CCDC181: variants seen among roughly 807,000 people sequenced by gnomAD.
CCDC181 encodes coiled-coil domain-containing protein 181.
A neutral mutation model predicts 58.7 loss-of-function variants in CCDC181; 35 were observed. The observed-to-expected ratio is 0.60, with a 90% CI of 0.46 to 0.79. The LOEUF (loss-of-function observed/expected upper bound fraction) is 0.79. Ranked by LOEUF, CCDC181 falls within the 30% of genes least tolerant of loss-of-function variation. The pLI is 0.00. For synonymous variants in CCDC181, 183 were observed against 197.5 expected (o/e 0.93, Z 0.62); for missense variants, 517 against 583.9 (o/e 0.89, Z 1.18).
chr1:169,411,552 T>A (rs1557864655), intron 4 of CCDC181, among the ~76,000 whole-genome samples: 1 of 152,144 alleles, frequency 6.6e-6, no homozygotes, highest in Non-Finnish European at 1.5e-5. Context: ...GCCAGCATCA[T>A]CCTGATACCA....
intron 2 of CCDC181, among the ~76,000 whole-genome samples, chr1:169,432,633 A>C (rs1047222795): frequency 6.6e-6 from 1 of 152,162 alleles, no homozygotes; most frequent in Non-Finnish European, 1.5e-5. Context: ...TTTCAGCAGC[A>C]TATTACAAAG....
intron 4 of CCDC181, among the ~76,000 whole-genome samples, chr1:169,417,440 T>A (rs1158309317): frequency 2.0e-5 from 3 of 152,174 alleles, no homozygotes; most frequent in Admixed American, 6.5e-5. Flanking sequence ...GATGAAGAGC[T>A]ACACAAGGCA....
intron 2 of CCDC181, among the ~76,000 whole-genome samples, chr1:169,423,136 T>A (rs1656561719): frequency 6.6e-6 from 1 of 150,990 alleles, no homozygotes; most frequent in Admixed American, 6.6e-5. Context: ...AGCTACTACA[T>A]GCTTCTCTCT....
At chr1:169,426,945 T>C (rs181973083) in intron 1 of CCDC181, among the ~76,000 whole-genome samples, 62 of 152,324 alleles carry the variant, frequency 4.1e-4, no homozygotes, top group Non-Finnish European at 7.4e-5. Flanking sequence ...TGCCTCCTCA[T>C]GGAAGCTACA....
intron 2 of CCDC181, among the ~76,000 whole-genome samples, chr1:169,435,152 A>C (rs542389097): frequency 6.6e-6 from 1 of 152,238 alleles, no homozygotes; most frequent in South Asian, 2.1e-4. Flanking sequence ...AAAGGAATGA[A>C]GTACTGATAG....
chr1:169,436,735 G>A (rs1657064464), intron 2 of CCDC181, among the ~76,000 whole-genome samples: 1 of 152,120 alleles, frequency 6.6e-6, no homozygotes, highest in Non-Finnish European at 1.5e-5. Context: ...TCTTTAGTAA[G>A]GCAGAGCACT....
intron 2 of CCDC181, among the ~76,000 whole-genome samples, chr1:169,443,754 A>AT (rs1657295338): frequency 6.6e-6 from 1 of 152,188 alleles, no homozygotes; most frequent in African/African-American, 2.4e-5. Flanking sequence ...TATAAATAGT[A>AT]TTGATGATTA....
chr1:169,396,709 AGT>A (rs1655054380), intron 5 of CCDC181, among the ~76,000 whole-genome samples: 1 of 152,218 alleles, frequency 6.6e-6, no homozygotes, highest in Non-Finnish European at 1.5e-5. Context: ...TAGGCAATGC[AGT>A]GTCTTACCCA....
intron 4 of CCDC181, among the ~76,000 whole-genome samples, chr1:169,404,933 C>T (rs1655568011): frequency 6.6e-6 from 1 of 152,192 alleles, no homozygotes; most frequent in South Asian, 2.1e-4. Context: ...CCAAAATCTC[C>T]TTAAGCTGAT....
At chr1:169,405,482 G>C (rs1163857022) in intron 4 of CCDC181, among the ~76,000 whole-genome samples, 2 of 152,110 alleles carry the variant, frequency 1.3e-5, no homozygotes, top group Non-Finnish European at 2.9e-5. Context: ...GAACAGAACA[G>C]AACCCTCAGA....
At chr1:169,439,683 AC>A (rs1161302547) in intron 2 of CCDC181, among the ~76,000 whole-genome samples, 2 of 151,860 alleles carry the variant, frequency 1.3e-5, no homozygotes, top group Non-Finnish European at 2.9e-5. Context: ...AGCCTTTTAC[AC>A]CCTGCCCTCT....
chr1:169,460,197 C>T (rs1657805613), intron 1 of CCDC181: 1 of 152,212 alleles, frequency 6.6e-6, no homozygotes, highest in African/African-American at 2.4e-5. Flanking sequence ...CGGTCAGTAC[C>T]GTTTACTGAA....
intron 4 of CCDC181, among the ~76,000 whole-genome samples, chr1:169,403,220 T>A (rs1655454671): frequency 6.6e-6 from 1 of 152,098 alleles, no homozygotes; most frequent in Non-Finnish European, 1.5e-5. Flanking sequence ...ATGGGAGACT[T>A]TAACACCCCA....
At chr1:169,428,726 G>A (rs1445967603), upstream of CCDC181, among the ~76,000 whole-genome samples, 1 of 152,138 alleles carries the variant, frequency 6.6e-6, no homozygotes, top group Admixed American at 6.5e-5. Flanking sequence ...CACGATCTGG[G>A]CTCACTTCAA....
intron 4 of CCDC181, among the ~76,000 whole-genome samples, chr1:169,405,679 T>C (rs1655608836): frequency 6.6e-6 from 1 of 152,162 alleles, no homozygotes; most frequent in African/African-American, 2.4e-5. Context: ...AAGACTTAAA[T>C]GTTAGACCTA....
At chr1:169,395,903 C>A (rs1404976580) in intron 5 of CCDC181, 4 of 140,468 alleles carry the variant, frequency 2.8e-5, no homozygotes, top group Non-Finnish European at 1.5e-5. Context: ...GAATAAACAA[C>A]TAAATAACTG....
chr1:169,395,033 T>A lies in CCDC181; in HGVS notation c.*14A>T. The A allele has an allele frequency of 6.3e-7, 1 of 1,576,298 alleles. No homozygotes were observed. The highest frequency in any genetic ancestry group is 1.2e-5 in the South Asian group (1 of 84,954). On this transcript the variant is annotated 3_prime_UTR_variant, in exon 6 of 6. Transcript: ENST00000367806. The stretch of plus-strand genomic sequence containing the variant: ...TTGATAGCAGCTGCCCACTGAAATA[T>A]TTAATAGAAACTTTCAGTTATAATG...
chr1:169,449,832 TC>T (rs765269123), intron 2 of CCDC181, among the ~76,000 whole-genome samples: 33 of 152,286 alleles, frequency 2.2e-4, no homozygotes, highest in South Asian at 1.0e-3. Flanking sequence ...CCTCTCCCAG[TC>T]CTCTGACTCC....
intron 2 of CCDC181, among the ~76,000 whole-genome samples, chr1:169,449,465 A>T (rs1657471823): frequency 1.3e-5 from 2 of 152,338 alleles, no homozygotes; most frequent in South Asian, 4.1e-4. Flanking sequence ...TTAGTTTATT[A>T]AAGAGTCTTG....
Sources: gnomAD v4.1 joint callset for allele counts (sites outside exome capture counted in the v4.1 genomes callset) on GRCh38, gnomAD v4.1.1 for gene constraint, MANE v1.5 for transcripts, NCBI Gene and HGNC (gene_info 2026-07-23, HGNC 2026-07-21) for gene names.